The following GXYLT1 variants were observed in gnomAD, a reference collection of about 807,000 sequenced individuals.
GXYLT1 encodes glucoside xylosyltransferase 1.
A neutral mutation model predicts 54.0 loss-of-function variants in GXYLT1; 29 were observed. The ratio of observed to expected loss-of-function variants is 0.54; its 90% CI spans 0.40 to 0.73. The LOEUF is 0.73. Among genes scored for constraint, GXYLT1 ranks in the 30% least tolerant of loss-of-function variants. The pLI is 0.00. For synonymous variants in GXYLT1, 176 were observed against 204.1 expected, an observed-to-expected ratio of 0.86 and a Z score of 1.17; for missense variants, 490 against 553.4, an observed-to-expected ratio of 0.89 and a Z score of 1.15.
At chr12:42,114,483 C>G (rs1269286744) in intron 3 of GXYLT1, among the ~76,000 whole-genome samples, 1 of 152,202 alleles carries the variant, frequency 6.6e-6, no homozygotes, top group Non-Finnish European at 1.5e-5. Flanking sequence ...AAACTACCAT[C>G]AGACAATACT....
At chr12:42,129,885 TG>T in intron 1 of GXYLT1, 34 bp from the exon 2 acceptor site, 1 of 1,418,216 alleles carries the variant, frequency 7.1e-7, no homozygotes, top group Non-Finnish European at 9.9e-7. Context: ...GAGTCCTGTG[TG>T]AGTATTTTGG....
At chr12:42,129,438 T>G (rs2065581589) in intron 2 of GXYLT1, among the ~76,000 whole-genome samples, 1 of 152,192 alleles carries the variant, frequency 6.6e-6, no homozygotes, top group South Asian at 2.1e-4. Flanking sequence ...TATATATAGA[T>G]ATATCTGTAA....
chr12:42,125,568 G>A lies in GXYLT1; in HGVS notation c.314+4191C>T, dbSNP rs572156744. ...ACTGGTCTGGTCTCAAAAGCCAGAG[G>A]CTAACAGAGCTGACAGAAAAAGGAA... On this transcript the variant is annotated intron_variant, in intron 2 of 7. Transcript: ENST00000398675. 7.9e-5 allele frequency among the ~76,000 whole-genome samples: 12 copies of A among 152,278 alleles called. No individual in the cohort carries two copies. The South Asian group carries it at 2.3e-3, about 29-fold the overall frequency.
At chr12:42,088,668 T>C (rs1442817205) in intron 7 of GXYLT1, among the ~76,000 whole-genome samples, 2 of 152,104 alleles carry the variant, frequency 1.3e-5, no homozygotes, top group Non-Finnish European at 2.9e-5. Flanking sequence ...AAAGTGGAAA[T>C]AATAAGTAAT....
In GXYLT1 at chr12:42,105,995, A is replaced by C; in HGVS notation, c.687T>G (p.Ile229Met). ...DILFLRPVDD[I>M]WSLLKKFNST... ...AATTAAATTTCTTTAGTAAAGACCA[A>C]ATATCATCAACTGGTCGTAAAAAAA... is the stretch of plus-strand genomic sequence containing the variant. The change falls in exon 5 of 8, where the codon ATT (isoleucine) becomes ATG (methionine). Residue 229 changes from isoleucine (I) to methionine (M), a missense_variant. Ile to Met is a conservative substitution (Grantham distance 10). This residue lies in a region of GXYLT1 where 342 missense variants were observed against 342.6 expected (regional missense o/e 1.00). Transcript: ENST00000398675. 1 of 1,613,280 alleles carries C rather than the reference A, an allele frequency of 6.2e-7. No homozygotes were observed. Among genetic ancestry groups the C allele is most frequent in the Non-Finnish European group, 8.5e-7 (1 of 1,179,230 alleles).
At position 42,097,524 on chromosome 12, in the gene GXYLT1, AT is replaced by A. The variant is rs2065362667; in HGVS notation, c.1078del (p.Ile360SerfsTer26). ...SNCQEAEEGG[I>X]FILHGNRGVY... ...ACCTCTGTTCCCATGAAGAATAAAG[AT>A]TCCTCCTTCTTCTGCTTCTTGGCAA... On this transcript the variant is annotated frameshift_variant, in exon 7 of 8. Coordinates refer to ENST00000398675, the MANE Select transcript of GXYLT1 (RefSeq NM_173601.2). LOFTEE classifies it high-confidence loss of function. 1.2e-6 allele frequency: 2 copies of A among 1,612,152 alleles called. No individual in the cohort carries two copies. Among genetic ancestry groups the A allele is most frequent in the African/African-American group, 2.7e-5 (2 of 74,848 alleles).
chr12:42,131,291 C>G (rs949238570), intron 1 of GXYLT1, among the ~76,000 whole-genome samples: 1 of 152,156 alleles, frequency 6.6e-6, no homozygotes, highest in Non-Finnish European at 1.5e-5. Context: ...TTTGTTTTCT[C>G]TCATTATGAA....
At chr12:42,137,229 C>A (rs754697008) in intron 1 of GXYLT1, among the ~76,000 whole-genome samples, 3 of 152,098 alleles carry the variant, frequency 2.0e-5, no homozygotes, top group Non-Finnish European at 4.4e-5. Flanking sequence ...AAAAATTAGG[C>A]CAGGCGCAGT....
Position 42,087,841 on chromosome 12 carries a change from T to C in GXYLT1, c.1268A>G (p.Lys423Arg), listed in dbSNP as rs1262740435. The change falls in exon 8 of 8, where the codon AAA becomes AGA. Residue 423 changes from lysine (K) to arginine (R), a missense_variant. By Grantham distance (26) the Lys-to-Arg change is conservative (BLOSUM62 2). This residue lies in a region of GXYLT1 where 342 missense variants were observed against 342.6 expected (regional missense o/e 1.00). Transcript: ENST00000398675. ...YCGKIYKIFI[K>R]QLAKSVRDRY... ...ATCTCTTACACTTTTTGCTAGTTGT[T>C]TGATAAATATTTTGTAAATTTTTCC... The C allele has an allele frequency of 2.5e-6, 4 of 1,607,554 alleles. No individual in the cohort carries two copies. The highest frequency in any genetic ancestry group is 3.4e-6 in the Non-Finnish European group (4 of 1,177,134).
At chr12:42,096,186 C>T (rs1206395950) in intron 7 of GXYLT1, among the ~76,000 whole-genome samples, 8 of 152,106 alleles carry the variant, frequency 5.3e-5, no homozygotes, top group African/African-American at 1.9e-4. Context: ...GCTTATACTT[C>T]CTAGCTCTGC....
chr12:42,106,034 G>A lies in GXYLT1; in HGVS notation c.648C>T (p.Val216=), dbSNP rs376420472. The A allele has an allele frequency of 1.4e-5, 23 of 1,609,558 alleles. No homozygotes were observed. The highest frequency in any genetic ancestry group is 1.2e-4 in the African/African-American group (9 of 74,962). ...GTCGTAAAAAAAGGATATCAGTGTC[G>A]ACATACAATAGTGAGTCAACTTCTT... ...ILKEVDSLLY[V]DTDILFLRPV... The change falls in exon 5 of 8, where the codon GTC becomes GTT. Residue 216 remains valine (V), a synonymous_variant. Coordinates refer to ENST00000398675, the MANE Select transcript of GXYLT1 (RefSeq NM_173601.2).
intron 1 of GXYLT1, among the ~76,000 whole-genome samples, chr12:42,133,690 T>C (rs554993895): frequency 5.9e-5 from 9 of 152,292 alleles, no homozygotes; most frequent in African/African-American, 1.7e-4. Context: ...AACCATTCAT[T>C]TGGTAAATCA....
chr12:42,132,853 A>G (rs1022533288), intron 1 of GXYLT1, among the ~76,000 whole-genome samples: 1 of 152,074 alleles, frequency 6.6e-6, no homozygotes, highest in African/African-American at 2.4e-5. Context: ...CAAGACCAAC[A>G]TATTGAACAA....
rs1158709506 is a variant in GXYLT1 at position 42,113,078 on chromosome 12, T to G, written c.487-3387A>C. ...ATAAAATACTTTACAGACAAGCAAA[T>G]GCTGAGAGATTTTGTCACCACCAGG... On this transcript the variant is annotated intron_variant, in intron 3 of 7. Transcript: ENST00000398675. Among the ~76,000 whole-genome samples, 5 of 151,008 alleles carry G rather than the reference T, an allele frequency of 3.3e-5. 1 individual carries two copies. The highest frequency in any genetic ancestry group is 5.0e-5 in the African/African-American group (2 of 40,372).
chr12:42,083,361 ATCTT>A lies in GXYLT1; in HGVS notation c.*4421_*4424del, dbSNP rs2065264390. On this transcript the variant is annotated 3_prime_UTR_variant, in exon 8 of 8. Transcript: ENST00000398675. The stretch of plus-strand genomic sequence containing the variant: ...TAAAAGAATAACTGTTATAATACAA[ATCTT>A]TATTTAATCTACTTTATTAAATATT... The A allele has an allele frequency of 6.6e-6, 1 of 151,956 alleles. No homozygotes were observed. Among genetic ancestry groups the A allele is most frequent in the Non-Finnish European group, 1.5e-5 (1 of 67,982 alleles). The allele number at this position is 151,956 out of a possible 1,614,324, so 9.4% of individuals were successfully genotyped here. A position where few individuals can be genotyped will look rare whatever the true frequency, so the allele number is the denominator to read the frequency against.
At chr12:42,102,911 T>C (rs1298071419) in intron 5 of GXYLT1, among the ~76,000 whole-genome samples, 1 of 151,902 alleles carries the variant, frequency 6.6e-6, no homozygotes, top group Non-Finnish European at 1.5e-5. Context: ...AATTTAATAA[T>C]TATTTCATTA....
chr12:42,106,631 G>C (rs1478549461), intron 4 of GXYLT1, among the ~76,000 whole-genome samples: 1 of 152,022 alleles, frequency 6.6e-6, no homozygotes, highest in African/African-American at 2.4e-5. Context: ...CAAGGGTAAA[G>C]GCTTGACTTT....
At chr12:42,095,539 T>C (rs1166012482) in intron 7 of GXYLT1, among the ~76,000 whole-genome samples, 1 of 152,032 alleles carries the variant, frequency 6.6e-6, no homozygotes, top group Non-Finnish European at 1.5e-5. Context: ...AAATGGAAAT[T>C]ACAGAACATA....
At position 42,129,755 on chromosome 12, in the gene GXYLT1, C is replaced by T; in HGVS notation, c.314+4G>A. 1 of 1,601,700 alleles carries T rather than the reference C, an allele frequency of 6.2e-7. No individual in the cohort carries two copies. Among genetic ancestry groups the T allele is most frequent in the Non-Finnish European group, 8.6e-7 (1 of 1,168,992 alleles). ...GATCTACCAATTAAATATTAAGTGC[C>T]TACCTAAAAGCCGCTTCCCAAAAGC... On this transcript the variant is annotated splice_donor_region_variant and intron_variant, in intron 2 of 7. Transcript: ENST00000398675.
Sources: gnomAD v4.1 joint callset for allele counts (sites outside exome capture counted in the v4.1 genomes callset) on GRCh38, gnomAD v4.1.1 for gene constraint, gnomAD v4.1.1 regional missense constraint, MANE v1.5 for transcripts, NCBI Gene and HGNC (gene_info 2026-07-23, HGNC 2026-07-21) for gene names.